Variants in INPP4A observed in about 807,000 individuals in gnomAD.
INPP4A encodes the protein inositol polyphosphate-4-phosphatase, type I, 107kD.
A neutral mutation model predicts 119.8 loss-of-function variants in INPP4A; 33 were observed. The ratio of observed to expected loss-of-function variants is 0.28; its 90% CI spans 0.21 to 0.37. The LOEUF (loss-of-function observed/expected upper bound fraction) is 0.37. Among genes scored for constraint, INPP4A ranks in the 10% least tolerant of loss-of-function variants. The pLI is 1.00. For missense variants in INPP4A, 956 were observed against 1,289.9 expected (o/e 0.74, Z 3.97); for synonymous variants, 496 against 500.7 (o/e 0.99, Z 0.12).
intron 1 of INPP4A, among the ~76,000 whole-genome samples, chr2:98,448,152 T>A (rs1694565338): frequency 1.3e-5 from 2 of 151,816 alleles, no homozygotes; most frequent in South Asian, 4.2e-4. Context: ...GTCCAGGAGT[T>A]TGAGACCAGC....
intron 1 of INPP4A, among the ~76,000 whole-genome samples, chr2:98,507,611 G>A (rs1009213258): frequency 2.0e-5 from 3 of 152,142 alleles, no homozygotes; most frequent in Admixed American, 1.3e-4. Flanking sequence ...TCAAGCTGGA[G>A]AGAACTGGGA....
intron 3 of INPP4A, among the ~76,000 whole-genome samples, 192 bp downstream of exon 3, chr2:98,520,346 G>A (rs1173379236): frequency 6.6e-6 from 1 of 152,174 alleles, no homozygotes; most frequent in Admixed American, 6.5e-5. Context: ...CCTGTGAACC[G>A]CTTCTGCTGG....
intron 1 of INPP4A, among the ~76,000 whole-genome samples, chr2:98,459,246 C>T (rs948891085): frequency 6.6e-6 from 1 of 152,230 alleles, no homozygotes; most frequent in African/African-American, 2.4e-5. Flanking sequence ...GGAAAATCAG[C>T]ACTCTGATTG....
intron 10 of INPP4A, among the ~76,000 whole-genome samples, chr2:98,541,298 G>C (rs1178579266): frequency 1.3e-5 from 2 of 150,792 alleles, no homozygotes. Flanking sequence ...CTGCACTCCA[G>C]CCTTGGTGAC....
chr2:98,580,890 C>T (rs1294556302), intron 24 of INPP4A, among the ~76,000 whole-genome samples: 1 of 152,214 alleles, frequency 6.6e-6, no homozygotes, highest in African/African-American at 2.4e-5. Flanking sequence ...GGAAGAAGCC[C>T]CAAATTTCTA....
intron 24 of INPP4A, among the ~76,000 whole-genome samples, chr2:98,580,554 T>C (rs6747051): frequency 0.96 from 146,791 of 152,302 alleles, 70,815 homozygotes; most frequent in East Asian, 1. Context: ...CACAGGGCCC[T>C]GCCAGCCTCT....
chr2:98,516,229 G>A (rs901528335), intron 1 of INPP4A, among the ~76,000 whole-genome samples: 4 of 152,220 alleles, frequency 2.6e-5, no homozygotes, highest in African/African-American at 9.7e-5. Context: ...TTAGCTTTGC[G>A]TTCTGGGCCT....
intron 1 of INPP4A, among the ~76,000 whole-genome samples, chr2:98,462,157 A>G (rs1338116003): frequency 1.3e-5 from 2 of 152,348 alleles, no homozygotes; most frequent in East Asian, 3.9e-4. Context: ...CTAAAATATT[A>G]CCTTCTAGTG....
intron 23 of INPP4A, 33 bp from the exon 24 acceptor site, chr2:98,576,956 G>A (rs757105244): frequency 1.0e-5 from 16 of 1,593,400 alleles, no homozygotes; most frequent in African/African-American, 6.7e-5. Context: ...GTGGAGCCTC[G>A]CCTCTAAGCA....
intron 1 of INPP4A, among the ~76,000 whole-genome samples, chr2:98,494,020 C>T (rs994344078): frequency 6.6e-6 from 1 of 152,214 alleles, no homozygotes. Context: ...AACATTTATT[C>T]AAGAAAATCT....
At chr2:98,448,082 G>T (rs547108016) in intron 1 of INPP4A, among the ~76,000 whole-genome samples, 4 of 149,460 alleles carry the variant, frequency 2.7e-5, no homozygotes, top group Non-Finnish European at 5.9e-5. Context: ...ATGGCCGGGC[G>T]CAGTGGCTCA....
At chr2:98,581,012 G>C (rs185352868) in intron 24 of INPP4A, among the ~76,000 whole-genome samples, 53 of 152,362 alleles carry the variant, frequency 3.5e-4, no homozygotes, top group African/African-American at 1.2e-3. Context: ...ACCCGAGGCG[G>C]GGCTGGTGGG....
At chr2:98,482,797 C>T (rs942007784) in intron 1 of INPP4A, among the ~76,000 whole-genome samples, 13 of 152,246 alleles carry the variant, frequency 8.5e-5, no homozygotes, top group Non-Finnish European at 1.6e-4. Flanking sequence ...ATTATACTTA[C>T]ATTGCTTTTT....
At chr2:98,571,490 T>TA (rs1347767329) in intron 22 of INPP4A, among the ~76,000 whole-genome samples, 2 of 152,186 alleles carry the variant, frequency 1.3e-5, no homozygotes, top group Non-Finnish European at 2.9e-5. Flanking sequence ...CCTAGCACCT[T>TA]AGAGGGCAGG....
chr2:98,510,388 C>T (rs949853370), intron 1 of INPP4A, among the ~76,000 whole-genome samples: 1 of 152,150 alleles, frequency 6.6e-6, no homozygotes, highest in Non-Finnish European at 1.5e-5. Flanking sequence ...CCTCCTCTGC[C>T]CTCTTGTTTA....
Position 98,563,500 on chromosome 2 carries a change from A to G in INPP4A, c.1891A>G (p.Thr631Ala), listed in dbSNP as rs1695866882. The change falls in exon 18 of 25, where the codon ACT becomes GCT. Residue 631 changes from threonine to alanine, a missense_variant. Transcript: ENST00000409851. The part of the protein sequence containing the change: ...WSEALYPLLT[T>A]LTDCVAMMSD... ...TGAGGCCCTTTACCCGCTGCTGACC[A>G]CTCTCACCGACTGCGTGGCCATGAT... The G allele has an allele frequency of 1.9e-6, 3 of 1,613,304 alleles. No individual in the cohort carries two copies. In the African/African-American group the frequency reaches 4.0e-5, roughly 22 times the overall value.
chr2:98,501,833 C>A lies in INPP4A; in HGVS notation c.-165-17131C>A, dbSNP rs146302255. 7.6e-4 allele frequency among the ~76,000 whole-genome samples: 116 copies of A among 152,192 alleles called. 2 individuals are homozygous for A. Among genetic ancestry groups the A allele is most frequent in the Non-Finnish European group, 1.3e-3 (88 of 68,024 alleles). ...AGGGGCTCCAACTCTACATCAGTTG[C>A]GTTTCCATCACATTTATCTGCGTCT... On this transcript the variant is annotated intron_variant, in intron 1 of 24. Coordinates refer to ENST00000409851, the MANE Select transcript of INPP4A (RefSeq NM_001134225.2).
chr2:98,539,554 T>TACC lies in INPP4A; in HGVS notation c.698_700dup (p.Tyr233_Arg234insHis). The TACC allele has an allele frequency of 6.2e-7, 1 of 1,611,786 alleles. No individual in the cohort carries two copies. The highest frequency in any genetic ancestry group is 8.5e-7 in the Non-Finnish European group (1 of 1,178,680). On this transcript the variant is annotated inframe_insertion, in exon 10 of 25. Transcript: ENST00000409851. ...GTTCGGTGGTGCCATCTGCCGCATGTACCGGTTTCCAACCACTGATGGTAA... is the reference window on the plus strand; with the variant it reads ...GTTCGGTGGTGCCATCTGCCGCATGTACCACCGGTTTCCAACCACTGATGGTAA...
In INPP4A at chr2:98,480,380, A is replaced by G. The variant is rs560702506; in HGVS notation, c.-166+35295A>G. 3.7e-4 allele frequency among the ~76,000 whole-genome samples: 56 copies of G among 152,292 alleles called. 1 individual carries two copies. The highest frequency in any genetic ancestry group is 3.6e-3 in the Admixed American group (55 of 15,290). ...TAATTATTATTCATTTCCATTTTGCAGAGGAGGGAAGGGATGCTCAGAGAG... is the reference window on the plus strand; with the variant it reads ...TAATTATTATTCATTTCCATTTTGCGGAGGAGGGAAGGGATGCTCAGAGAG... On this transcript the variant is annotated intron_variant, in intron 1 of 24. Transcript: ENST00000409851.
Sources: gnomAD v4.1 joint callset for allele counts (sites outside exome capture counted in the v4.1 genomes callset) on GRCh38, gnomAD v4.1.1 for gene constraint, MANE v1.5 for transcripts, NCBI Gene and HGNC (gene_info 2026-07-23, HGNC 2026-07-21) for gene names.